ASAP1: variants seen among roughly 807,000 people sequenced by gnomAD.
ASAP1 encodes arf-GAP with SH3 domain, ANK repeat and PH domain-containing protein 1.
A neutral mutation model predicts 145.2 loss-of-function variants in ASAP1; 43 were observed. That is an observed-to-expected ratio of 0.30 (90% CI 0.23 to 0.38). The LOEUF is 0.38. Among genes scored for constraint, ASAP1 ranks in the 10% least tolerant of loss-of-function variants. The pLI, the probability that ASAP1 is intolerant of heterozygous loss-of-function variation, is 1.00. For synonymous variants in ASAP1, 546 were observed against 515.5 expected (o/e 1.06, Z -0.80); for missense variants, 1,018 against 1,355.3 (o/e 0.75, Z 3.91).
chr8:130,367,466 C>T (rs753340540), intron 2 of ASAP1, among the ~76,000 whole-genome samples: 41 of 152,318 alleles, frequency 2.7e-4, no homozygotes, highest in Non-Finnish European at 4.9e-4. Context: ...CTCTGAAATA[C>T]TACTCCAAAA....
intron 11 of ASAP1, among the ~76,000 whole-genome samples, chr8:130,165,659 A>T (rs1276805815): frequency 6.6e-6 from 1 of 152,198 alleles, no homozygotes; most frequent in African/African-American, 2.4e-5. Flanking sequence ...CTTAGTGTAC[A>T]CAGATGTTCC....
intron 5 of ASAP1, among the ~76,000 whole-genome samples, chr8:130,193,081 C>G (rs754221002): frequency 1.3e-5 from 2 of 151,906 alleles, no homozygotes; most frequent in Non-Finnish European, 2.9e-5. Context: ...ATTTGCATAA[C>G]AAGGAGGAAA....
intron 25 of ASAP1, among the ~76,000 whole-genome samples, chr8:130,082,350 C>T (rs1564938050): frequency 6.6e-6 from 1 of 151,842 alleles, no homozygotes; most frequent in Non-Finnish European, 1.5e-5. Flanking sequence ...CAAGGTAGGG[C>T]ATTTATTTTT....
chr8:130,359,191 T>C (rs563780315), intron 2 of ASAP1, among the ~76,000 whole-genome samples: 4 of 152,276 alleles, frequency 2.6e-5, no homozygotes, highest in African/African-American at 9.6e-5. Flanking sequence ...AAAAAAATAA[T>C]TTTCTAATCT....
intron 3 of ASAP1, among the ~76,000 whole-genome samples, chr8:130,248,221 C>CG (rs1375376323): frequency 2.9e-4 from 43 of 149,092 alleles, no homozygotes; most frequent in African/African-American, 8.6e-4. Context: ...TGGCGGGTGC[C>CG]GGGGGGGTTG....
intron 5 of ASAP1, among the ~76,000 whole-genome samples, chr8:130,190,469 T>G (rs542947678): frequency 1.1e-3 from 170 of 152,302 alleles, no homozygotes; most frequent in African/African-American, 4.0e-3. Flanking sequence ...TGTGAGCATG[T>G]GAATTTATCT....
rs377447337 is a variant in ASAP1 at position 130,300,582 on chromosome 8, T to C, written c.186+57435A>G. Among the ~76,000 whole-genome samples, 14 of 152,326 alleles carry C rather than the reference T, an allele frequency of 9.2e-5. No individual in the cohort carries two copies. In the East Asian group the frequency reaches 1.5e-3, roughly 17 times the overall value. ...CCTAGATTTTTAAGAGTTTCTAGCA[T>C]GATTCTAACACACAGCCAAGGTAGA... On this transcript the variant is annotated intron_variant, in intron 3 of 29. Coordinates refer to ENST00000518721, the MANE Select transcript of ASAP1 (RefSeq NM_018482.4).
chr8:130,210,352 T>C (rs975570975), intron 5 of ASAP1, among the ~76,000 whole-genome samples: 6 of 152,178 alleles, frequency 3.9e-5, no homozygotes, highest in African/African-American at 1.4e-4. Context: ...TATTTTAAAA[T>C]ACATAATACA....
At chr8:130,295,996 C>T (rs1250418045) in intron 3 of ASAP1, among the ~76,000 whole-genome samples, 1 of 152,150 alleles carries the variant, frequency 6.6e-6, no homozygotes, top group Non-Finnish European at 1.5e-5. Context: ...AAAGGGATGT[C>T]TAGATTCTTG....
chr8:130,253,434 G>A (rs961090025), intron 3 of ASAP1, among the ~76,000 whole-genome samples: 4 of 152,134 alleles, frequency 2.6e-5, no homozygotes, highest in African/African-American at 7.2e-5. Context: ...TTTCCCCAAA[G>A]TTCCCAACAG....
chr8:130,093,433 G>A (rs2097509956), intron 24 of ASAP1, among the ~76,000 whole-genome samples: 2 of 152,180 alleles, frequency 1.3e-5, no homozygotes, highest in Middle Eastern at 3.4e-3. Flanking sequence ...TTGAGAGGCC[G>A]AGGTGGGCAG....
intron 9 of ASAP1, among the ~76,000 whole-genome samples, chr8:130,169,887 T>C (rs898335582): frequency 2.0e-5 from 3 of 152,204 alleles, no homozygotes; most frequent in Admixed American, 6.5e-5. Flanking sequence ...ATCCACGCTC[T>C]TTACCAGCAA....
chr8:130,161,921 C>G (rs1173392312), intron 11 of ASAP1, among the ~76,000 whole-genome samples: 1 of 152,178 alleles, frequency 6.6e-6, no homozygotes, highest in East Asian at 1.9e-4. Context: ...TCGCCTCAGC[C>G]TTCTGAGTAG....
chr8:130,421,834 A>G (rs1829731343), intron 1 of ASAP1, among the ~76,000 whole-genome samples: 1 of 152,230 alleles, frequency 6.6e-6, no homozygotes, highest in African/African-American at 2.4e-5. Context: ...AGTCTCCTTA[A>G]TATGTGTCTA....
chr8:130,083,029 T>A (rs2097484770), intron 25 of ASAP1: 3 of 152,212 alleles, frequency 2.0e-5, no homozygotes, highest in Admixed American at 6.5e-5. Context: ...TAGAAAACAT[T>A]CCAAAGAAGT....
chr8:130,196,425 C>G (rs1815495622), intron 5 of ASAP1, among the ~76,000 whole-genome samples: 1 of 152,232 alleles, frequency 6.6e-6, no homozygotes, highest in Non-Finnish European at 1.5e-5. Flanking sequence ...CTCCAAGCCC[C>G]TCTATGGGCC....
rs1036013695 is a variant in ASAP1 at position 130,312,037 on chromosome 8, C to A, written c.186+45980G>T. On this transcript the variant is annotated intron_variant, in intron 3 of 29. Transcript: ENST00000518721. ...CATTAAATTCTAAATGAACACCAAC[C>A]ACTGTAAATATGTGGATCACTTGAG... 4.8e-4 allele frequency among the ~76,000 whole-genome samples: 73 copies of A among 151,838 alleles called. 2 individuals are homozygous for A. The highest frequency in any genetic ancestry group is 3.3e-4 in the Admixed American group (5 of 15,244).
At chr8:130,388,432 G>A (rs957543793) in intron 2 of ASAP1, among the ~76,000 whole-genome samples, 1 of 152,202 alleles carries the variant, frequency 6.6e-6, no homozygotes. Context: ...TATTAAGTTT[G>A]AGAGGCCTGC....
At chr8:130,415,602 A>T (rs1587003548) in intron 1 of ASAP1, among the ~76,000 whole-genome samples, 1 of 152,228 alleles carries the variant, frequency 6.6e-6, no homozygotes, top group Admixed American at 6.5e-5. Flanking sequence ...AGCCTGGCCA[A>T]CATGGTGAAA....
Sources: allele counts gnomAD v4.1 joint callset (sites outside exome capture counted in the v4.1 genomes callset), GRCh38; gene constraint gnomAD v4.1.1; transcripts MANE v1.5; gene names NCBI Gene and HGNC (gene_info 2026-07-23, HGNC 2026-07-21).